Variants in MSRA observed in about 807,000 individuals in gnomAD.
MSRA encodes methionine sulfoxide reductase A, also known as mitochondrial peptide methionine sulfoxide reductase.
MSRA carries 54 observed loss-of-function variants against 31.3 expected under a neutral mutation model. The ratio of observed to expected loss-of-function variants is 1.73; its 90% CI spans 1.39 to 2.17. MSRA has a LOEUF of 2.17. Ranked by LOEUF, MSRA falls within the 30% of genes most tolerant of loss-of-function variation. The pLI is 0.00. For missense variants in MSRA, 507 were observed against 300.9 expected (o/e 1.69, Z -5.07); for synonymous variants, 169 against 116.5 (o/e 1.45, Z -2.90).
intron 5 of MSRA, among the ~76,000 whole-genome samples, chr8:10,389,940 C>A (rs1482974055): frequency 6.6e-6 from 1 of 152,182 alleles, no homozygotes; most frequent in Non-Finnish European, 1.5e-5. Flanking sequence ...TCAGATTCTG[C>A]TTTTGACCCA....
At chr8:10,238,140 C>T (rs1173440032) in intron 2 of MSRA, among the ~76,000 whole-genome samples, 1 of 152,182 alleles carries the variant, frequency 6.6e-6, no homozygotes, top group Non-Finnish European at 1.5e-5. Context: ...TGGCTTCCTT[C>T]CTGCCCCTTA....
At chr8:10,119,879 G>T (rs1194885257) in intron 1 of MSRA, among the ~76,000 whole-genome samples, 1 of 152,214 alleles carries the variant, frequency 6.6e-6, no homozygotes, top group Non-Finnish European at 1.5e-5. Flanking sequence ...ATTTACAAAG[G>T]TGTGGTCAGG....
At position 10,113,292 on chromosome 8, in the gene MSRA, CTTTTT is replaced by C. The variant is rs10665004; in HGVS notation, c.142+58652_142+58656del. ...CATGGCTTTGGTGAAGACAGGTCTT[CTTTTT>C]TTTTTTTTTTTTTTTTTGGAGGTGT... is the stretch of plus-strand genomic sequence containing the variant. On this transcript the variant is annotated intron_variant, in intron 1 of 5. Transcript: ENST00000317173. Among the ~76,000 whole-genome samples, 203 of 57,614 alleles carry C rather than the reference CTTTTT, an allele frequency of 3.5e-3. 6 individuals carry two copies. Among genetic ancestry groups the C allele is most frequent in the Non-Finnish European group, 4.8e-3 (167 of 34,500 alleles). 37.8% of individuals were successfully genotyped at this position (57,614 alleles called of 152,430 possible).
chr8:10,227,796 G>A (rs1811125730), intron 2 of MSRA, among the ~76,000 whole-genome samples: 1 of 152,138 alleles, frequency 6.6e-6, no homozygotes, highest in Admixed American at 6.5e-5. Context: ...ACCGCTAATT[G>A]CTATATGGTT....
intron 1 of MSRA, among the ~76,000 whole-genome samples, chr8:10,150,145 G>A (rs1245922031): frequency 6.6e-6 from 1 of 151,884 alleles, no homozygotes; most frequent in African/African-American, 2.4e-5. Flanking sequence ...GTTCTAAGGG[G>A]GTAATCGGCA....
intron 1 of MSRA, among the ~76,000 whole-genome samples, chr8:10,155,861 G>T (rs555534236): frequency 3.3e-5 from 5 of 152,242 alleles, no homozygotes; most frequent in African/African-American, 1.2e-4. Flanking sequence ...AGGAGTTAGA[G>T]AATTAGAAAC....
At chr8:10,089,171 G>C (rs1051309313) in intron 1 of MSRA, among the ~76,000 whole-genome samples, 2 of 152,034 alleles carry the variant, frequency 1.3e-5, no homozygotes, top group African/African-American at 2.4e-5. Context: ...CAGTAACTCT[G>C]AGGTGATGGA....
intron 5 of MSRA, among the ~76,000 whole-genome samples, chr8:10,397,014 A>T (rs934174708): frequency 3.3e-5 from 5 of 152,210 alleles, no homozygotes; most frequent in African/African-American, 1.2e-4. Context: ...AGGAACCTGG[A>T]TAAGGATTGT....
intron 3 of MSRA, among the ~76,000 whole-genome samples, chr8:10,276,326 G>A (rs904919154): frequency 6.6e-6 from 1 of 152,152 alleles, no homozygotes; most frequent in African/African-American, 2.4e-5. Flanking sequence ...CCCAACAGTG[G>A]GCTGCCTTGT....
chr8:10,265,721 A>C (rs1798711973), intron 3 of MSRA, among the ~76,000 whole-genome samples: 1 of 152,170 alleles, frequency 6.6e-6, no homozygotes, highest in Non-Finnish European at 1.5e-5. Flanking sequence ...TCCATTCCCC[A>C]AAAAAAGTTA....
At chr8:10,148,268 C>T (rs1386134665) in intron 1 of MSRA, among the ~76,000 whole-genome samples, 1 of 151,718 alleles carries the variant, frequency 6.6e-6, no homozygotes, top group Admixed American at 6.6e-5. Flanking sequence ...TATAATGCAC[C>T]CTGCTTTAAT....
chr8:10,365,082 A>G (rs1316895199), intron 5 of MSRA, among the ~76,000 whole-genome samples: 1 of 150,902 alleles, frequency 6.6e-6, no homozygotes, highest in Non-Finnish European at 1.5e-5. Flanking sequence ...TAGGAAGCAA[A>G]ATTAGAAGCT....
At chr8:10,138,668 CATTT>C (rs1414957267) in intron 1 of MSRA, among the ~76,000 whole-genome samples, 1 of 152,146 alleles carries the variant, frequency 6.6e-6, no homozygotes, top group African/African-American at 2.4e-5. Flanking sequence ...ACTCTAAACA[CATTT>C]ATTTTTTTCT....
intron 5 of MSRA, chr8:10,411,625 A>C (rs1194998464): frequency 6.6e-6 from 1 of 152,236 alleles, no homozygotes; most frequent in Non-Finnish European, 1.5e-5. Flanking sequence ...TGACAGATGT[A>C]ACCTGCCCTA....
chr8:10,247,454 G>A (rs1797681448), intron 3 of MSRA, among the ~76,000 whole-genome samples: 1 of 152,064 alleles, frequency 6.6e-6, no homozygotes, highest in Non-Finnish European at 1.5e-5. Context: ...TGTCCCTCTG[G>A]TATATTTTTA....
intron 3 of MSRA, among the ~76,000 whole-genome samples, chr8:10,252,297 C>G (rs1242598246): frequency 6.6e-6 from 1 of 152,154 alleles, no homozygotes; most frequent in Non-Finnish European, 1.5e-5. Flanking sequence ...CTGCTCCTCT[C>G]AGTGAGGTGG....
chr8:10,061,008 G>A (rs1036316577), intron 1 of MSRA, among the ~76,000 whole-genome samples: 1 of 152,158 alleles, frequency 6.6e-6, no homozygotes, highest in Non-Finnish European at 1.5e-5. Flanking sequence ...TAAATTGTAG[G>A]ATACAGAATT....
At chr8:10,327,379 A>G (rs971481304) in intron 5 of MSRA, among the ~76,000 whole-genome samples, 1 of 152,232 alleles carries the variant, frequency 6.6e-6, no homozygotes, top group Non-Finnish European at 1.5e-5. Context: ...GCGTTTGTTT[A>G]TAATTAATAC....
chr8:10,110,441 C>G (rs903596752), intron 1 of MSRA, among the ~76,000 whole-genome samples: 1 of 152,190 alleles, frequency 6.6e-6, no homozygotes, highest in East Asian at 1.9e-4. Context: ...CTGAGTCAGC[C>G]TCACTGCTGG....
Sources: gnomAD v4.1 joint callset for allele counts (sites outside exome capture counted in the v4.1 genomes callset) on GRCh38, gnomAD v4.1.1 for gene constraint, MANE v1.5 for transcripts, NCBI Gene and HGNC (gene_info 2026-07-23, HGNC 2026-07-21) for gene names.